ZNF92: variants seen among roughly 807,000 people sequenced by gnomAD.
ZNF92 encodes zinc finger protein 92, also known as epididymis luminal protein 203.
In ZNF92, 11 loss-of-function variants were observed where a neutral mutation model predicts 12.4. The observed-to-expected ratio is 0.89, with a 90% confidence interval of 0.56 to 1.47. The LOEUF is 1.47. ZNF92 is among the 40% of genes most tolerant of loss of function. ZNF92 has a pLI of 0.00. For synonymous variants in ZNF92, 206 were observed against 228.6 expected (o/e 0.90, Z 0.89); for missense variants, 622 against 681.0 (o/e 0.91, Z 0.96).
At chr7:65,377,405 T>C (rs1427421658) in intron 1 of ZNF92, among the ~76,000 whole-genome samples, 1 of 152,008 alleles carries the variant, frequency 6.6e-6, no homozygotes, top group African/African-American at 2.4e-5. Context: ...TACAGAGCCC[T>C]GGAAAGCTGG....
At position 65,399,782 on chromosome 7, in the gene ZNF92, G is replaced by A. The variant is rs1185002045; in HGVS notation, c.1668G>A (p.Gln556=). The A allele has an allele frequency of 1.2e-5, 20 of 1,613,244 alleles. No homozygotes were observed. Among genetic ancestry groups the A allele is most frequent in the Non-Finnish European group, 1.6e-5 (19 of 1,179,622 alleles). Residue 556 remains glutamine (Q), a synonymous_variant, in exon 4 of 4, where the codon CAG becomes CAA. Transcript: ENST00000328747. ...AGTTCTCAACCCTTATTACACATCA[G>A]ATAATTTATACTGGAGAGAAACCCT... The part of the protein sequence containing the change: ...FNKFSTLITH[Q]IIYTGEKPCK...
At chr7:65,394,117 C>T (rs899326116) in intron 3 of ZNF92, among the ~76,000 whole-genome samples, 1 of 152,032 alleles carries the variant, frequency 6.6e-6, no homozygotes, top group African/African-American at 2.4e-5. Flanking sequence ...TTCTTTGTTG[C>T]TCATGCATTA....
intron 1 of ZNF92, among the ~76,000 whole-genome samples, chr7:65,376,178 G>T (rs535353469): frequency 6.6e-6 from 1 of 152,122 alleles, no homozygotes; most frequent in South Asian, 2.1e-4. Flanking sequence ...CTCCCAAAGT[G>T]CTAGGATTAC....
intron 1 of ZNF92, among the ~76,000 whole-genome samples, chr7:65,387,014 A>G (rs1793586360): frequency 1.4e-5 from 2 of 145,620 alleles, no homozygotes. Context: ...ATCTCGGCTC[A>G]CTGCAACCTC....
chr7:65,375,412 G>A (rs1793212247), intron 1 of ZNF92, among the ~76,000 whole-genome samples: 1 of 151,976 alleles, frequency 6.6e-6, no homozygotes, highest in South Asian at 2.1e-4. Context: ...GATGCCCTGG[G>A]GCTGAGAAGC....
intron 1 of ZNF92, 81 bp downstream of exon 1, chr7:65,374,081 G>C: frequency 6.3e-7 from 1 of 1,593,122 alleles, no homozygotes; most frequent in Non-Finnish European, 8.6e-7. Context: ...GCGGGCCTCG[G>C]GCCTTCCCGC....
At chr7:65,374,139 C>A in intron 1 of ZNF92, 139 bp downstream of exon 1, 1 of 1,198,614 alleles carries the variant, frequency 8.3e-7, no homozygotes, top group Non-Finnish European at 1.2e-6. Flanking sequence ...CGCAGCTCGG[C>A]CCTCAGTCTC....
intron 1 of ZNF92, among the ~76,000 whole-genome samples, chr7:65,374,809 TGA>T (rs1793195155): frequency 6.6e-6 from 1 of 152,016 alleles, no homozygotes; most frequent in Non-Finnish European, 1.5e-5. Flanking sequence ...CACAGGGGAC[TGA>T]TTTTCCCCTG....
At position 65,391,324 on chromosome 7, in the gene ZNF92, T is replaced by C. The variant is rs189284332; in HGVS notation, c.226+2423T>C. Among the ~76,000 whole-genome samples the C allele has an allele frequency of 3.7e-4, 56 of 152,226 alleles. 1 individual carries two copies. Among genetic ancestry groups the C allele is most frequent in the African/African-American group, 1.3e-3 (55 of 41,544 alleles). ...GGAGGATAACAAAATAAGGCAACTT[T>C]TATTGTCCTATCTTCCTGATGTCAC... On this transcript the variant is annotated intron_variant, in intron 3 of 3. Coordinates refer to ENST00000328747, the MANE Select transcript of ZNF92 (RefSeq NM_152626.4).
rs188088779 is a variant in ZNF92, at chr7:65,374,433, G to T, written c.3+433G>T. 1.1e-3 allele frequency among the ~76,000 whole-genome samples: 162 copies of T among 151,492 alleles called. 1 individual carries two copies. Among genetic ancestry groups the T allele is most frequent in the African/African-American group, 3.6e-3 (150 of 41,476 alleles). On this transcript the variant is annotated intron_variant, in intron 1 of 3. Transcript: ENST00000328747. ...TGGGAGTCAAGGTAAAAATATTGAA[G>T]AATTTAATCAAAGAGCGATTCAGGA...
In ZNF92 at chr7:65,399,920, A is replaced by G. The variant is rs1488392352; in HGVS notation, c.*45A>G. 10 of 1,475,256 alleles carry G rather than the reference A, an allele frequency of 6.8e-6. No homozygotes were observed. The South Asian group carries it at 1.3e-4, about 19-fold the overall frequency. 91.4% of individuals were successfully genotyped at this position (1,475,256 alleles called of 1,614,324 possible). A position where few individuals can be genotyped will look rare whatever the true frequency, so the allele number is the denominator to read the frequency against. On this transcript the variant is annotated 3_prime_UTR_variant, in exon 4 of 4. Transcript: ENST00000328747. ...CACTACACCTCAAACTTTTCTAAAC[A>G]TAAACCATATTGGTGCCCTAGAAAT...
intron 1 of ZNF92, among the ~76,000 whole-genome samples, chr7:65,386,658 A>C (rs1056897051): frequency 6.6e-6 from 1 of 152,064 alleles, no homozygotes; most frequent in Non-Finnish European, 1.5e-5. Flanking sequence ...AGACTATTTA[A>C]AATTACTATT....
intron 1 of ZNF92, among the ~76,000 whole-genome samples, chr7:65,386,775 C>T (rs1793576788): frequency 6.6e-6 from 1 of 151,982 alleles, no homozygotes; most frequent in Admixed American, 6.6e-5. Context: ...GAAGTAATAT[C>T]CCAGCAGTGA....
At chr7:65,382,785 G>A (rs1042276113) in intron 1 of ZNF92, among the ~76,000 whole-genome samples, 3 of 151,972 alleles carry the variant, frequency 2.0e-5, no homozygotes, top group African/African-American at 7.3e-5. Flanking sequence ...ACCCATCCAG[G>A]ACCTAAACTA....
In ZNF92 at chr7:65,388,469, T is replaced by C. The variant is rs541101917; in HGVS notation, c.131-337T>C. 6.2e-5 allele frequency: 13 copies of C among 209,210 alleles called. No individual in the cohort carries two copies. In the East Asian group the frequency reaches 2.1e-3, roughly 34 times the overall value. 13.0% of individuals were successfully genotyped at this position (209,210 alleles called of 1,614,324 possible). On this transcript the variant is annotated intron_variant, in intron 2 of 3. Coordinates refer to ENST00000328747, the MANE Select transcript of ZNF92 (RefSeq NM_152626.4). ...GCCTGGCCAACATGGTGAAACCCTG[T>C]CTCTACTAAAAATAAAAAAATTAGC...
At chr7:65,394,228 T>C (rs1793793062) in intron 3 of ZNF92, among the ~76,000 whole-genome samples, 1 of 152,090 alleles carries the variant, frequency 6.6e-6, no homozygotes, top group Admixed American at 6.6e-5. Flanking sequence ...ATTTAAAATA[T>C]TTTTTGTATA....
rs1793168152 is a variant in ZNF92 at position 65,374,108 on chromosome 7, C to T, written c.3+108C>T. 33 of 1,488,610 alleles carry T rather than the reference C, an allele frequency of 2.2e-5. No homozygotes were observed. The East Asian group carries it at 3.9e-4, about 17-fold the overall frequency. 92.2% of individuals were successfully genotyped at this position (1,488,610 alleles called of 1,614,324 possible). A position where few individuals can be genotyped will look rare whatever the true frequency, so the allele number is the denominator to read the frequency against. On this transcript the variant is annotated intron_variant, in intron 1 of 3. Coordinates refer to ENST00000328747, the MANE Select transcript of ZNF92 (RefSeq NM_152626.4). ...CCTTCCCGCAGTCGGCTCCGAGATC[C>T]GCGGCCCGAGTTCTCCTTGGCGCAG...
intron 2 of ZNF92, 51 bp from the exon 3 acceptor site, chr7:65,388,755 G>T (rs1291185976): frequency 2.1e-6 from 3 of 1,455,088 alleles, no homozygotes; most frequent in Non-Finnish European, 2.8e-6. Flanking sequence ...TACTATGTTG[G>T]TAATTGGAGA....
In ZNF92 at chr7:65,399,968, T is replaced by A; in HGVS notation, c.*93T>A. On this transcript the variant is annotated 3_prime_UTR_variant, in exon 4 of 4. Transcript: ENST00000328747. Reference sequence around the variant, plus strand: ...AATGTGAGGAATATGACAAGGACTTTAAATGGTTGTCACGCTTGATTGTAG... The same window carrying A: ...AATGTGAGGAATATGACAAGGACTTAAAATGGTTGTCACGCTTGATTGTAG... 2.6e-6 allele frequency: 3 copies of A among 1,133,692 alleles called. No homozygotes were observed. The highest frequency in any genetic ancestry group is 5.3e-5 in the Admixed American group (2 of 37,540). The allele number at this position is 1,133,692 out of a possible 1,614,324, so 70.2% of individuals were successfully genotyped here. A position where few individuals can be genotyped will look rare whatever the true frequency, so the allele number is the denominator to read the frequency against.
Sources: gnomAD v4.1 joint callset for allele counts (sites outside exome capture counted in the v4.1 genomes callset) on GRCh38, gnomAD v4.1.1 for gene constraint, MANE v1.5 for transcripts, NCBI Gene and HGNC (gene_info 2026-07-23, HGNC 2026-07-21) for gene names.